The following ADAMTS19 variants were observed in gnomAD, a reference collection of about 807,000 sequenced individuals.
The protein encoded by ADAMTS19 is ADAM metallopeptidase with thrombospondin type 1 motif 19, also known as A disintegrin and metalloproteinase with thrombospondin motifs 19.
A neutral mutation model predicts 153.3 loss-of-function variants in ADAMTS19; 93 were observed. The observed-to-expected ratio is 0.61, with a 90% CI of 0.51 to 0.72. The LOEUF is 0.72. Among genes scored for constraint, ADAMTS19 ranks in the 30% least tolerant of loss-of-function variants. The pLI is 0.00. For missense variants in ADAMTS19, 1,482 were observed against 1,552.1 expected (o/e 0.95, Z 0.76); for synonymous variants, 600 against 556.6 (o/e 1.08, Z -1.10).
At chr5:129,719,067 A>G (rs550611983) in intron 21 of ADAMTS19, among the ~76,000 whole-genome samples, 1 of 152,248 alleles carries the variant, frequency 6.6e-6, no homozygotes, top group African/African-American at 2.4e-5. Flanking sequence ...TAACCCCTAA[A>G]TGCACTGAAA....
chr5:129,645,885 A>ATTTTTTTTTTTTTTTTTTTTT lies in ADAMTS19; in HGVS notation c.1873-1879_1873-1859dup, dbSNP rs529444004. Among the ~76,000 whole-genome samples the ATTTTTTTTTTTTTTTTTTTTT allele has an allele frequency of 3.2e-3, 310 of 97,062 alleles. 17 individuals carry two copies. The highest frequency in any genetic ancestry group is 6.8e-3 in the Middle Eastern group (1 of 148). The allele number at this position is 97,062 out of a possible 152,430, so 63.7% of individuals were successfully genotyped here. A position where few individuals can be genotyped will look rare whatever the true frequency, so the allele number is the denominator to read the frequency against. ...CACATGGTTTCTTTCTCCTTTTCCA[A>ATTTTTTTTTTTTTTTTTTTTT]TTTTTTTTTTTTTTTTTTTTTGAGA... On this transcript the variant is annotated intron_variant, in intron 11 of 22. Transcript: ENST00000274487.
chr5:129,737,258 C>A lies in ADAMTS19; in HGVS notation c.*40C>A. ...GCTGGATCACAGCTCTTGGCAATTA[C>A]ATTATTTATAAACACACACACTAGC... On this transcript the variant is annotated 3_prime_UTR_variant, in exon 23 of 23. Coordinates refer to ENST00000274487, the MANE Select transcript of ADAMTS19 (RefSeq NM_133638.6). The A allele has an allele frequency of 2.0e-6, 3 of 1,494,136 alleles. No homozygotes were observed. The highest frequency in any genetic ancestry group is 2.7e-6 in the Non-Finnish European group (3 of 1,103,936). The allele number at this position is 1,494,136 out of a possible 1,614,324, so 92.6% of individuals were successfully genotyped here.
chr5:129,472,644 C>T (rs1750104405), intron 2 of ADAMTS19, among the ~76,000 whole-genome samples: 1 of 152,000 alleles, frequency 6.6e-6, no homozygotes, highest in South Asian at 2.1e-4. Flanking sequence ...AAATCTGCTT[C>T]CTATTCTAGA....
At chr5:129,489,181 C>CTTTGTAA (rs2126685859) in intron 2 of ADAMTS19, among the ~76,000 whole-genome samples, 1 of 152,106 alleles carries the variant, frequency 6.6e-6, no homozygotes, top group Non-Finnish European at 1.5e-5. Flanking sequence ...GTAATTAGGG[C>CTTTGTAA]TTTGGCACTG....
chr5:129,487,270 G>C (rs1750629996), intron 2 of ADAMTS19, among the ~76,000 whole-genome samples: 1 of 151,960 alleles, frequency 6.6e-6, no homozygotes, highest in African/African-American at 2.4e-5. Context: ...ATTTCAGTCA[G>C]GGCTTAAAAT....
chr5:129,711,626 A>G (rs1447805910), intron 21 of ADAMTS19, among the ~76,000 whole-genome samples: 3 of 152,072 alleles, frequency 2.0e-5, no homozygotes, highest in Non-Finnish European at 4.4e-5. Context: ...CAGTGAGTGG[A>G]GATCACACCA....
intron 8 of ADAMTS19, among the ~76,000 whole-genome samples, chr5:129,614,551 T>C (rs536866356): frequency 6.6e-6 from 1 of 152,064 alleles, no homozygotes; most frequent in Non-Finnish European, 1.5e-5. Context: ...TAATAAGAGA[T>C]ATTTATGACA....
chr5:129,736,719 A>G (rs1180903967), intron 22 of ADAMTS19, among the ~76,000 whole-genome samples: 2 of 152,090 alleles, frequency 1.3e-5, no homozygotes, highest in Non-Finnish European at 2.9e-5. Flanking sequence ...ATAAAGGTAG[A>G]TATATTGAGC....
intron 2 of ADAMTS19, among the ~76,000 whole-genome samples, chr5:129,497,181 A>G (rs911300000): frequency 1.4e-4 from 22 of 152,102 alleles, no homozygotes; most frequent in African/African-American, 4.3e-4. Flanking sequence ...TTCAAAGCCA[A>G]ACTGAGAAGG....
intron 21 of ADAMTS19, among the ~76,000 whole-genome samples, chr5:129,708,941 T>A (rs1189237264): frequency 1.3e-5 from 2 of 152,084 alleles, no homozygotes; most frequent in Admixed American, 1.3e-4. Flanking sequence ...GCACAGTAAA[T>A]CATTTTGGAT....
chr5:129,558,102 G>A (rs543283044), intron 7 of ADAMTS19, among the ~76,000 whole-genome samples: 99 of 150,108 alleles, frequency 6.6e-4, no homozygotes, highest in African/African-American at 2.3e-3. Flanking sequence ...ACCAGTAGAA[G>A]TCACTTACAA....
chr5:129,663,142 C>CCT (rs1215402205), intron 15 of ADAMTS19, among the ~76,000 whole-genome samples: 6 of 152,096 alleles, frequency 3.9e-5, no homozygotes, highest in African/African-American at 1.4e-4. Flanking sequence ...GATCTGCCTG[C>CCT]CTCGGCCTCC....
intron 18 of ADAMTS19, among the ~76,000 whole-genome samples, chr5:129,693,834 G>A (rs1174324857): frequency 1.3e-5 from 2 of 152,122 alleles, no homozygotes; most frequent in African/African-American, 4.8e-5. Flanking sequence ...GTAAAAGATG[G>A]TAAGAGTCCC....
At chr5:129,479,643 G>A (rs375789822) in intron 2 of ADAMTS19, among the ~76,000 whole-genome samples, 1 of 152,010 alleles carries the variant, frequency 6.6e-6, no homozygotes, top group Non-Finnish European at 1.5e-5. Flanking sequence ...ACAAATACGA[G>A]TTTTTTTATA....
chr5:129,464,010 T>C (rs1034754316), intron 2 of ADAMTS19, among the ~76,000 whole-genome samples: 1 of 152,018 alleles, frequency 6.6e-6, no homozygotes, highest in African/African-American at 2.4e-5. Flanking sequence ...GGGGAATGCT[T>C]CCCAAAGCAG....
In ADAMTS19 at chr5:129,665,555, GA is replaced by G; in HGVS notation, c.2486del (p.Lys829SerfsTer7). The G allele has an allele frequency of 1.2e-6, 2 of 1,610,614 alleles. No individual in the cohort carries two copies. The highest frequency in any genetic ancestry group is 1.3e-5 in the African/African-American group (1 of 74,896). On this transcript the variant is annotated frameshift_variant, in exon 16 of 23. Transcript: ENST00000274487. LOFTEE classifies it high-confidence loss of function. ...AGCAAGAAGAATCAAAGTTGTGGAG[GA>G]AAAGCCGGCACATAGCTATTTAGGT... ...AGARRIKVVE[E>X]KPAHSYLALR...
intron 2 of ADAMTS19, among the ~76,000 whole-genome samples, chr5:129,492,693 G>C (rs1750808301): frequency 6.6e-6 from 1 of 151,930 alleles, no homozygotes; most frequent in Non-Finnish European, 1.5e-5. Context: ...ATACCAGTCT[G>C]TTTTCCTGTG....
intron 2 of ADAMTS19, among the ~76,000 whole-genome samples, chr5:129,490,146 G>T (rs1750720506): frequency 1.3e-5 from 2 of 152,258 alleles, no homozygotes; most frequent in South Asian, 2.1e-4. Flanking sequence ...AATGTCTGTT[G>T]GTTGGCTGAG....
In ADAMTS19 at chr5:129,526,335, G is replaced by A. The variant is rs766949011; in HGVS notation, c.965G>A (p.Arg322Gln). 8.1e-6 allele frequency: 13 copies of A among 1,598,610 alleles called. No homozygotes were observed. The highest frequency in any genetic ancestry group is 1.1e-5 in the Non-Finnish European group (13 of 1,173,900). ...ATAGCAGAAAGTGGAAGAGGGAAAC[G>A]ATATTCATACAAATTACCTCAAGAA... ...RKIAESGRGK[R>Q]YSYKLPQEYN... Residue 322 changes from arginine to glutamine, a missense_variant, in exon 4 of 23, where the codon CGA becomes CAA. Transcript: ENST00000274487.
Sources: allele counts gnomAD v4.1 joint callset (sites outside exome capture counted in the v4.1 genomes callset), GRCh38; gene constraint gnomAD v4.1.1; transcripts MANE v1.5; gene names NCBI Gene and HGNC (gene_info 2026-07-23, HGNC 2026-07-21).